PTPRD: variants seen among roughly 807,000 people sequenced by gnomAD.
PTPRD encodes the protein receptor-type tyrosine-protein phosphatase delta.
A neutral mutation model predicts 214.5 loss-of-function variants in PTPRD; 34 were observed. That is an observed-to-expected ratio of 0.16 (90% CI 0.12 to 0.21). PTPRD has a LOEUF of 0.21. Among genes scored for constraint, PTPRD ranks in the 10% least tolerant of loss-of-function variants. PTPRD has a pLI of 1.00. For missense variants in PTPRD, 2,545 were observed against 2,398.7 expected, an observed-to-expected ratio of 1.06 and a Z score of -1.27; for synonymous variants, 1,128 against 845.7, an observed-to-expected ratio of 1.33 and a Z score of -5.79.
intron 5 of PTPRD, among the ~76,000 whole-genome samples, chr9:9,854,353 AG>A (rs2061128174): frequency 6.6e-6 from 1 of 152,142 alleles, no homozygotes; most frequent in African/African-American, 2.4e-5. Flanking sequence ...ATTTAATCAT[AG>A]GTCCTGGAAT....
chr9:8,574,371 G>A (rs958077233), intron 14 of PTPRD, among the ~76,000 whole-genome samples: 4 of 151,992 alleles, frequency 2.6e-5, no homozygotes, highest in Non-Finnish European at 4.4e-5. Flanking sequence ...ATTGTCCTCT[G>A]ATAAAAACAT....
In PTPRD at chr9:8,521,475, T is replaced by C. The variant is rs1479882033; in HGVS notation, c.763A>G (p.Ile255Val). The change falls in exon 20 of 46, where the codon ATC becomes GTC. Residue 255 changes from isoleucine (I) to valine (V), a missense_variant. Transcript: ENST00000381196. ...GGTGACCCCACGGCCACACAGGTGA[T>C]ATTAACGCTTCCGCCTGGCATGATT... ...HEIMPGGSVN[I>V]TCVAVGSPMP... 2 of 1,614,008 alleles carry C rather than the reference T, an allele frequency of 1.2e-6. No homozygotes were observed. Among genetic ancestry groups the C allele is most frequent in the South Asian group, 1.1e-5 (1 of 91,082 alleles).
At chr9:8,861,327 C>T (rs1054865396) in intron 11 of PTPRD, 2 of 152,040 alleles carry the variant, frequency 1.3e-5, no homozygotes, top group Non-Finnish European at 2.9e-5. Context: ...CACTTCATGA[C>T]CTTATGTGGG....
intron 6 of PTPRD, among the ~76,000 whole-genome samples, chr9:9,758,046 G>A (rs951704470): frequency 6.6e-6 from 1 of 150,378 alleles, no homozygotes; most frequent in African/African-American, 2.5e-5. Flanking sequence ...TGTTGCTGGG[G>A]AAAAGTCCCC....
At chr9:9,093,462 G>C (rs1591501212) in intron 10 of PTPRD, among the ~76,000 whole-genome samples, 1 of 151,668 alleles carries the variant, frequency 6.6e-6, no homozygotes, top group Non-Finnish European at 1.5e-5. Flanking sequence ...AAATTTAAGA[G>C]AATTAAAATT....
intron 7 of PTPRD, among the ~76,000 whole-genome samples, chr9:9,729,301 A>G (rs988739316): frequency 1.3e-5 from 2 of 152,066 alleles, no homozygotes; most frequent in African/African-American, 4.8e-5. Context: ...TTGTGGCTCT[A>G]CTGTCTCAAA....
intron 35 of PTPRD, 39 bp downstream of exon 35, chr9:8,436,553 C>A: frequency 6.8e-7 from 1 of 1,469,544 alleles, no homozygotes; most frequent in South Asian, 1.2e-5. Flanking sequence ...AGAAGAGTAA[C>A]TCTTGAAATT....
chr9:9,137,782 C>T (rs1188973204), intron 10 of PTPRD, among the ~76,000 whole-genome samples: 1 of 152,074 alleles, frequency 6.6e-6, no homozygotes. Context: ...CCTGGTGCAT[C>T]CATTTGTCTC....
intron 5 of PTPRD, among the ~76,000 whole-genome samples, chr9:9,923,015 G>T (rs185797024): frequency 3.3e-5 from 5 of 151,868 alleles, no homozygotes; most frequent in Admixed American, 2.6e-4. Flanking sequence ...CATACTGTAG[G>T]TAAGTAAGAC....
chr9:9,844,008 G>A (rs548667349), intron 5 of PTPRD, among the ~76,000 whole-genome samples: 97 of 152,044 alleles, frequency 6.4e-4, no homozygotes, highest in Non-Finnish European at 1.2e-3. Context: ...AAATACAGGT[G>A]TTCTAGTGCT....
intron 7 of PTPRD, among the ~76,000 whole-genome samples, chr9:9,724,927 G>A (rs1194205828): frequency 3.9e-5 from 6 of 152,096 alleles, no homozygotes; most frequent in Admixed American, 3.9e-4. Flanking sequence ...AATGGCAGAG[G>A]AGTGGTCAGA....
intron 7 of PTPRD, among the ~76,000 whole-genome samples, chr9:9,642,935 T>G (rs551208173): frequency 2.6e-4 from 40 of 152,320 alleles, no homozygotes; most frequent in African/African-American, 9.4e-4. Context: ...AGTGTCAAAC[T>G]TCAAAGTTCT....
At chr9:10,558,139 C>T (rs1355104941) in intron 2 of PTPRD, among the ~76,000 whole-genome samples, 3 of 152,046 alleles carry the variant, frequency 2.0e-5, no homozygotes, top group African/African-American at 7.2e-5. Flanking sequence ...TGAAAGAGTG[C>T]CCTTTTTGAC....
intron 10 of PTPRD, among the ~76,000 whole-genome samples, chr9:9,080,227 A>C (rs1022605573): frequency 6.6e-6 from 1 of 152,082 alleles, no homozygotes; most frequent in African/African-American, 2.4e-5. Context: ...AAGTTTACAC[A>C]TGGTGTAAGA....
intron 8 of PTPRD, among the ~76,000 whole-genome samples, chr9:9,555,528 G>A (rs1051971186): frequency 2.0e-5 from 3 of 152,004 alleles, no homozygotes; most frequent in Non-Finnish European, 4.4e-5. Flanking sequence ...ATAATTACAT[G>A]ACACTTCATA....
intron 14 of PTPRD, among the ~76,000 whole-genome samples, chr9:8,615,401 G>A (rs994905814): frequency 6.6e-5 from 10 of 151,996 alleles, no homozygotes; most frequent in African/African-American, 1.9e-4. Flanking sequence ...GTAAGCTATC[G>A]CCACTATTTA....
chr9:9,798,035 G>A (rs939570050), intron 5 of PTPRD, among the ~76,000 whole-genome samples: 4 of 152,100 alleles, frequency 2.6e-5, no homozygotes, highest in East Asian at 1.9e-4. Context: ...GTCAAAAGAC[G>A]ATTGGAACCT....
chr9:10,113,493 G>T (rs868627959), intron 3 of PTPRD, among the ~76,000 whole-genome samples: 2 of 152,070 alleles, frequency 1.3e-5, no homozygotes, highest in Non-Finnish European at 2.9e-5. Context: ...ATATACCAGA[G>T]ACTTTGTATT....
intron 43 of PTPRD, 40 bp from the exon 44 acceptor site, chr9:8,331,776 C>G (rs532092305): frequency 2.0e-6 from 3 of 1,529,720 alleles, no homozygotes; most frequent in Non-Finnish European, 2.6e-6. Flanking sequence ...CAAAGGAAGA[C>G]GCCAGGAGGA....
Sources: gnomAD v4.1 joint callset for allele counts (sites outside exome capture counted in the v4.1 genomes callset) on GRCh38, gnomAD v4.1.1 for gene constraint, MANE v1.5 for transcripts, NCBI Gene and HGNC (gene_info 2026-07-23, HGNC 2026-07-21) for gene names.